SETBP1: variants seen among roughly 807,000 people sequenced by gnomAD.
The protein encoded by SETBP1 is SET binding protein 1.
In SETBP1, 9 loss-of-function variants were observed where a neutral mutation model predicts 101.0. The observed-to-expected ratio is 0.09, with a 90% CI of 0.05 to 0.16. The LOEUF is 0.16. SETBP1 is among the 10% of genes least tolerant of loss of function. The pLI is 1.00. For missense variants in SETBP1, 1,858 were observed against 2,033.8 expected (o/e 0.91, Z 1.66); for synonymous variants, 818 against 788.5 (o/e 1.04, Z -0.63).
intron 4 of SETBP1, among the ~76,000 whole-genome samples, chr18:44,964,787 G>A (rs1418783377): frequency 1.3e-5 from 2 of 152,056 alleles, no homozygotes; most frequent in Non-Finnish European, 2.9e-5. Context: ...ACCAACTCAT[G>A]CTCCCCCCAG....
At chr18:44,963,328 G>A (rs912892309) in intron 4 of SETBP1, among the ~76,000 whole-genome samples, 7 of 152,074 alleles carry the variant, frequency 4.6e-5, no homozygotes, top group Non-Finnish European at 7.4e-5. Context: ...ACATACAAAG[G>A]GAGCTCTTTG....
chr18:44,686,509 C>G (rs1447478860), intron 1 of SETBP1, among the ~76,000 whole-genome samples: 1 of 152,166 alleles, frequency 6.6e-6, no homozygotes, highest in African/African-American at 2.4e-5. Context: ...AGCAAGGCAC[C>G]CCACTTATGC....
chr18:44,876,456 G>A (rs1322506629), intron 3 of SETBP1: 4 of 738,914 alleles, frequency 5.4e-6, no homozygotes, highest in Non-Finnish European at 8.8e-6. Context: ...AAAAATACAG[G>A]AATCCAGTCC....
Position 44,951,017 on chromosome 18 carries a change from G to T in SETBP1, c.1677G>T (p.Pro559=), listed in dbSNP as rs201699775. The change falls in exon 4 of 6, where the codon CCG becomes CCT. Residue 559 remains proline, a synonymous_variant. Coordinates refer to ENST00000649279, the MANE Select transcript of SETBP1 (RefSeq NM_015559.3). The surrounding 1 kb of genome is among the most constrained non-coding windows in gnomAD (Gnocchi z 7.8). Reference sequence around the variant, plus strand: ...CTGATAAACTGATGCTGGAGCCCCCGTCTGCATATCCCATCACCCCATCCA... The same window carrying T: ...CTGATAAACTGATGCTGGAGCCCCCTTCTGCATATCCCATCACCCCATCCA... ...ATSDKLMLEP[P]SAYPITPSSP... 2.5e-6 allele frequency: 4 copies of T among 1,613,760 alleles called. No individual in the cohort carries two copies.
intron 4 of SETBP1, among the ~76,000 whole-genome samples, chr18:44,985,175 GAGATCTGTCTAC>G (rs1404497024): frequency 6.6e-6 from 1 of 152,164 alleles, no homozygotes; most frequent in African/African-American, 2.4e-5. Flanking sequence ...TGAGGTGTAA[GAGATCTGTCTAC>G]ATGTGCTTTC....
rs538679267 is a variant in SETBP1 at position 45,033,169 on chromosome 18, C to T, written c.4001-5316C>T. 2.1e-4 allele frequency among the ~76,000 whole-genome samples: 32 copies of T among 152,120 alleles called. No individual in the cohort carries two copies. In the South Asian group the frequency reaches 5.8e-3, roughly 28 times the overall value. ...TCTGAATAGACAACCATTATATTAG[C>T]GAGGGAATTATTATCAAGTTTTCAA... On this transcript the variant is annotated intron_variant, in intron 4 of 5. Coordinates refer to ENST00000649279, the MANE Select transcript of SETBP1 (RefSeq NM_015559.3).
intron 1 of SETBP1, among the ~76,000 whole-genome samples, chr18:44,682,463 A>G (rs78646871): frequency 0.012 from 1,798 of 152,234 alleles, 20 homozygotes; most frequent in Non-Finnish European, 0.018. Context: ...CTAGTTTACC[A>G]TCCCAGGTCA....
intron 5 of SETBP1, among the ~76,000 whole-genome samples, chr18:45,039,235 A>G (rs4890505): frequency 1 from 152,240 of 152,244 alleles, 76,118 homozygotes; most frequent in Middle Eastern, 1. Context: ...CAGAGTCCTC[A>G]CCAACAGTGG....
At chr18:44,808,120 C>G (rs1283153681) in intron 2 of SETBP1, among the ~76,000 whole-genome samples, 1 of 152,202 alleles carries the variant, frequency 6.6e-6, no homozygotes, top group African/African-American at 2.4e-5. Flanking sequence ...CCTATTTGTG[C>G]TTTAAGCCAA....
intron 2 of SETBP1, among the ~76,000 whole-genome samples, chr18:44,703,159 A>G (rs1380008875): frequency 6.6e-6 from 1 of 152,082 alleles, no homozygotes; most frequent in Non-Finnish European, 1.5e-5. Context: ...CTCTAGAAGA[A>G]GCCCTTTTGT....
Position 45,005,928 on chromosome 18 carries a change from G to A in SETBP1, c.4001-32557G>A, listed in dbSNP as rs1415557732. Among the ~76,000 whole-genome samples, 11 of 142,570 alleles carry A rather than the reference G, an allele frequency of 7.7e-5. 1 individual carries two copies. In the South Asian group the frequency reaches 2.3e-3, roughly 29 times the overall value. 93.5% of individuals were successfully genotyped at this position (142,570 alleles called of 152,430 possible). A position where few individuals can be genotyped will look rare whatever the true frequency, so the allele number is the denominator to read the frequency against. On this transcript the variant is annotated intron_variant, in intron 4 of 5. Coordinates refer to ENST00000649279, the MANE Select transcript of SETBP1 (RefSeq NM_015559.3). ...CCCAAAGTGCTGGGATTACAGGTGT[G>A]AGCCACTGCACCCGGCCTTTTTTTT...
At chr18:44,938,914 A>G (rs1252794764) in intron 3 of SETBP1, among the ~76,000 whole-genome samples, 1 of 151,886 alleles carries the variant, frequency 6.6e-6, no homozygotes. Context: ...TTCACTGGAA[A>G]GAAAAGGCCC....
intron 4 of SETBP1, among the ~76,000 whole-genome samples, chr18:44,999,601 C>G (rs772620835): frequency 2.6e-5 from 4 of 152,150 alleles, no homozygotes; most frequent in African/African-American, 4.8e-5. Flanking sequence ...GATACAAAGT[C>G]AGAACCACCT....
chr18:45,036,439 C>T (rs1381322602), intron 4 of SETBP1, among the ~76,000 whole-genome samples: 1 of 152,056 alleles, frequency 6.6e-6, no homozygotes, highest in East Asian at 1.9e-4. Context: ...GGATGTGTCG[C>T]TTTACAAATG....
At chr18:44,852,139 A>C (rs914336043) in intron 2 of SETBP1, among the ~76,000 whole-genome samples, 3 of 152,258 alleles carry the variant, frequency 2.0e-5, no homozygotes, top group African/African-American at 7.2e-5. Context: ...AGCCCCGCTC[A>C]ATAATGAGAT....
chr18:44,957,098 T>C (rs149949459), intron 4 of SETBP1, among the ~76,000 whole-genome samples: 1 of 152,260 alleles, frequency 6.6e-6, no homozygotes, highest in Non-Finnish European at 1.5e-5. Flanking sequence ...GTATAAGCCT[T>C]ATCAGCTCCT....
chr18:45,030,423 T>C lies in SETBP1; in HGVS notation c.4001-8062T>C, dbSNP rs529157919. On this transcript the variant is annotated intron_variant, in intron 4 of 5. Transcript: ENST00000649279. ...CTGGATTCGGTTTGCCAGTATTTTATTGAGGATTTTTGCATCAATGTTCAT... is the reference window on the plus strand; with the variant it reads ...CTGGATTCGGTTTGCCAGTATTTTACTGAGGATTTTTGCATCAATGTTCAT... 1.7e-3 allele frequency among the ~76,000 whole-genome samples: 223 copies of C among 129,934 alleles called. 4 individuals are homozygous for C. Among genetic ancestry groups the C allele is most frequent in the Admixed American group, 7.5e-3 (95 of 12,686 alleles). The allele number at this position is 129,934 out of a possible 152,430, so 85.2% of individuals were successfully genotyped here.
chr18:44,865,162 C>G (rs2069101653), intron 2 of SETBP1, among the ~76,000 whole-genome samples: 1 of 152,158 alleles, frequency 6.6e-6, no homozygotes. Flanking sequence ...CAGACTTAAC[C>G]AATCCTATTT....
At chr18:44,728,155 C>G (rs1156634461) in intron 2 of SETBP1, among the ~76,000 whole-genome samples, 1 of 152,208 alleles carries the variant, frequency 6.6e-6, no homozygotes, top group African/African-American at 2.4e-5. Flanking sequence ...CCATTGTGAT[C>G]ACTTTTGCAC....
Sources: allele counts gnomAD v4.1 joint callset (sites outside exome capture counted in the v4.1 genomes callset), GRCh38; gene constraint gnomAD v4.1.1; non-coding constraint Gnocchi (gnomAD v3.1); transcripts MANE v1.5; gene names NCBI Gene and HGNC (gene_info 2026-07-23, HGNC 2026-07-21).